The following ZNF503 variants were observed in gnomAD, a reference collection of about 807,000 sequenced individuals.
The protein encoded by ZNF503 is NocA-like zinc finger 2.
ZNF503 carries 15 observed loss-of-function variants against 34.4 expected under a neutral mutation model. The observed-to-expected ratio is 0.44, with a 90% CI of 0.29 to 0.67. The LOEUF (loss-of-function observed/expected upper bound fraction) is 0.67. ZNF503 is among the 30% of genes least tolerant of loss of function. The pLI is 0.13. For synonymous variants in ZNF503, 580 were observed against 456.8 expected, an observed-to-expected ratio of 1.27 and a Z score of -3.44; for missense variants, 1,007 against 926.8, an observed-to-expected ratio of 1.09 and a Z score of -1.12.
the ZNF503 span, among the ~76,000 whole-genome samples, chr10:75,384,741 C>G: frequency 6.6e-6 from 1 of 152,142 alleles, no homozygotes; most frequent in Non-Finnish European, 1.5e-5. Flanking sequence ...TTTGAGGAAC[C>G]CTGACTCCCC....
chr10:75,295,363 G>C, the ZNF503 span, among the ~76,000 whole-genome samples: 5 of 152,248 alleles, frequency 3.3e-5, no homozygotes, highest in East Asian at 3.9e-4. This position sits in a 1 kb window ranked among gnomAD's most constrained non-coding sequence, Gnocchi z 4.0. Flanking sequence ...CAGAGGTTGA[G>C]GGGGGGAAAA....
chr10:75,312,618 T>C, the ZNF503 span, among the ~76,000 whole-genome samples: 3 of 152,094 alleles, frequency 2.0e-5, no homozygotes, highest in African/African-American at 4.8e-5. Flanking sequence ...GACATAAACC[T>C]ACAATTCAAG....
chr10:75,282,409 A>G, the ZNF503 span, among the ~76,000 whole-genome samples: 1 of 152,372 alleles, frequency 6.6e-6, no homozygotes, highest in East Asian at 1.9e-4. Context: ...CTTTGCAACC[A>G]AAATGCAAGA....
rs546360356 is a variant in ZNF503, at chr10:75,399,688, A to C, written c.1002T>G (p.Ser334=). 1.1e-5 allele frequency: 18 copies of C among 1,600,254 alleles called. No homozygotes were observed. The African/African-American group carries it at 2.3e-4, about 20-fold the overall frequency. The part of the protein sequence containing the change: ...SAPTSSSVLG[S]GLVAPVSPYK... ...AGGGTGACACGGGAGCCACCAGCCC[A>C]GAGCCCAACACTGAGGAGGAGGTGG... The change falls in exon 2 of 2, where the codon TCT becomes TCG. Residue 334 remains serine, a synonymous_variant. Coordinates refer to ENST00000372524, the MANE Select transcript of ZNF503 (RefSeq NM_032772.6).
At chr10:75,396,089 A>T (rs1843693274), downstream of ZNF503, among the ~76,000 whole-genome samples, 1 of 151,980 alleles carries the variant, frequency 6.6e-6, no homozygotes, top group South Asian at 2.1e-4. The surrounding 1 kb of genome is among the most constrained non-coding windows in gnomAD (Gnocchi z 4.4). Flanking sequence ...AGCTGCGGGC[A>T]CCGGAGCGTG....
chr10:75,360,114 C>CTT, the ZNF503 span, among the ~76,000 whole-genome samples: 3,909 of 108,070 alleles, frequency 0.036, 286 homozygotes, highest in African/African-American at 0.097. Flanking sequence ...CCAAAGGTTT[C>CTT]TTTTTTTTTT....
chr10:75,313,330 G>A, the ZNF503 span, among the ~76,000 whole-genome samples: 1 of 152,172 alleles, frequency 6.6e-6, no homozygotes, highest in Non-Finnish European at 1.5e-5. Flanking sequence ...ATTCAGAAGG[G>A]TAGGAAGAAC....
At chr10:75,389,591 G>A in the ZNF503 span, among the ~76,000 whole-genome samples, 884 of 152,264 alleles carry the variant, frequency 5.8e-3, 6 homozygotes, top group Admixed American at 0.011. Flanking sequence ...ATAGCCGGAT[G>A]TGGTGGCGCA....
the ZNF503 span, among the ~76,000 whole-genome samples, chr10:75,344,963 C>T: frequency 6.6e-6 from 1 of 152,216 alleles, no homozygotes; most frequent in African/African-American, 2.4e-5. Flanking sequence ...CTTTAAGCCA[C>T]CCATGTCATG....
chr10:75,383,704 A>C, the ZNF503 span, among the ~76,000 whole-genome samples: 1 of 152,184 alleles, frequency 6.6e-6, no homozygotes, highest in Non-Finnish European at 1.5e-5. Flanking sequence ...TTACTCCGCC[A>C]TTTCATTTGC....
chr10:75,365,189 T>A, the ZNF503 span, among the ~76,000 whole-genome samples: 1 of 152,226 alleles, frequency 6.6e-6, no homozygotes, highest in South Asian at 2.1e-4. Context: ...CGCTCTGTCG[T>A]CCAGGCTGGA....
At chr10:75,394,528 GCT>G (rs1218451222), downstream of ZNF503, among the ~76,000 whole-genome samples, 1 of 152,266 alleles carries the variant, frequency 6.6e-6, no homozygotes, top group African/African-American at 2.4e-5. Flanking sequence ...AGTACTGTGT[GCT>G]AACCGATTGC....
the ZNF503 span, among the ~76,000 whole-genome samples, chr10:75,383,883 T>A: frequency 6.6e-6 from 1 of 152,350 alleles, no homozygotes; most frequent in Non-Finnish European, 1.5e-5. Context: ...AATTGATCTA[T>A]TGGTCAATCA....
chr10:75,315,188 T>C, the ZNF503 span, among the ~76,000 whole-genome samples: 1 of 152,152 alleles, frequency 6.6e-6, no homozygotes, highest in Admixed American at 6.5e-5. Flanking sequence ...AGCAAGACCC[T>C]GTCTCTACAA....
At chr10:75,339,077 A>G in the ZNF503 span, among the ~76,000 whole-genome samples, 1 of 152,164 alleles carries the variant, frequency 6.6e-6, no homozygotes, top group Non-Finnish European at 1.5e-5. Flanking sequence ...CTAAAATACA[A>G]AAAATTAGCC....
At chr10:75,321,121 T>C in the ZNF503 span, among the ~76,000 whole-genome samples, 1 of 152,158 alleles carries the variant, frequency 6.6e-6, no homozygotes, top group Non-Finnish European at 1.5e-5. Flanking sequence ...GTGTAGCACC[T>C]CTCCTGTCTC....
the ZNF503 span, among the ~76,000 whole-genome samples, chr10:75,362,714 G>C: frequency 1.3e-5 from 2 of 152,122 alleles, no homozygotes; most frequent in Non-Finnish European, 2.9e-5. Context: ...TCTTGCTCAG[G>C]AACCAGAGAT....
the ZNF503 span, among the ~76,000 whole-genome samples, chr10:75,336,189 A>G: frequency 6.6e-6 from 1 of 152,004 alleles, no homozygotes; most frequent in Non-Finnish European, 1.5e-5. Flanking sequence ...TTCCACCTCA[A>G]AGTTTCACTT....
chr10:75,321,173 C>T, the ZNF503 span, among the ~76,000 whole-genome samples: 1 of 152,146 alleles, frequency 6.6e-6, no homozygotes, highest in South Asian at 2.1e-4. Flanking sequence ...AACCTGTTTC[C>T]CCTTCACCTT....
Sources: gnomAD v4.1 joint callset for allele counts (sites outside exome capture counted in the v4.1 genomes callset) on GRCh38, gnomAD v4.1.1 for gene constraint, Gnocchi (gnomAD v3.1) non-coding constraint, MANE v1.5 for transcripts, NCBI Gene and HGNC (gene_info 2026-07-23, HGNC 2026-07-21) for gene names.